The following SLC39A11 variants were observed in gnomAD, a reference collection of about 807,000 sequenced individuals.
SLC39A11 encodes the protein solute carrier family 39 member 11.
A neutral mutation model predicts 36.1 loss-of-function variants in SLC39A11; 33 were observed. The observed-to-expected ratio is 0.91, with a 90% CI of 0.69 to 1.22. The LOEUF is 1.22. Ranked by LOEUF, SLC39A11 falls within the 50% of genes most tolerant of loss-of-function variation. The pLI is 0.00. For missense variants in SLC39A11, 432 were observed against 430.3 expected, an observed-to-expected ratio of 1.00 and a Z score of -0.03; for synonymous variants, 166 against 170.3, an observed-to-expected ratio of 0.97 and a Z score of 0.20.
intron 7 of SLC39A11, among the ~76,000 whole-genome samples, chr17:72,731,100 C>T (rs1457002559): frequency 6.6e-6 from 1 of 152,140 alleles, no homozygotes; most frequent in African/African-American, 2.4e-5. Flanking sequence ...GGCACTTGCA[C>T]GACAGTCAGT....
chr17:72,680,497 T>A (rs556003082), intron 7 of SLC39A11, among the ~76,000 whole-genome samples: 1 of 152,326 alleles, frequency 6.6e-6, no homozygotes, highest in East Asian at 1.9e-4. Context: ...GATGGTTTTA[T>A]AAAGGGCAGT....
Position 72,849,695 on chromosome 17 carries a change from G to A in SLC39A11, c.540C>T (p.Gly180=), listed in dbSNP as rs866679630. 27 of 1,609,682 alleles carry A rather than the reference G, an allele frequency of 1.7e-5. 2 individuals carry two copies. In the Middle Eastern group the frequency reaches 1.8e-3, roughly 108 times the overall value. Residue 180 remains glycine, a synonymous_variant, in exon 6 of 10, where the codon GGC becomes GGT. Transcript: ENST00000255559. ...GTGCGATCCTCCTCCAGCTGCTGCC[G>A]CCGGGCTGTGCCAGATTCCCTCGAG... is the stretch of plus-strand genomic sequence containing the variant. ...VPSRGNLAQP[G]GSSWRRIALL...
intron 6 of SLC39A11, among the ~76,000 whole-genome samples, chr17:72,841,392 G>C (rs900510427): frequency 2.0e-5 from 3 of 152,198 alleles, no homozygotes; most frequent in Admixed American, 1.3e-4. Context: ...CCGGTCATTT[G>C]CAACAACATG....
At chr17:72,651,167 G>A (rs1056351746) in intron 7 of SLC39A11, among the ~76,000 whole-genome samples, 9 of 152,152 alleles carry the variant, frequency 5.9e-5, no homozygotes, top group Non-Finnish European at 1.3e-4. Flanking sequence ...CTCACATGTG[G>A]TTCATAGAAT....
intron 7 of SLC39A11, among the ~76,000 whole-genome samples, chr17:72,696,629 T>G (rs1326233836): frequency 6.6e-6 from 1 of 152,142 alleles, no homozygotes; most frequent in Non-Finnish European, 1.5e-5. Flanking sequence ...CCCCTATCTC[T>G]CTGATTTCCA....
intron 4 of SLC39A11, among the ~76,000 whole-genome samples, chr17:73,013,354 T>C (rs2090629916): frequency 6.6e-6 from 1 of 152,190 alleles, no homozygotes; most frequent in African/African-American, 2.4e-5. Flanking sequence ...TCCCAAAGTG[T>C]GAGGATTACA....
At chr17:72,816,518 C>A (rs2077590184) in intron 6 of SLC39A11, among the ~76,000 whole-genome samples, 1 of 152,114 alleles carries the variant, frequency 6.6e-6, no homozygotes, top group Non-Finnish European at 1.5e-5. Flanking sequence ...AGCACAAAGC[C>A]AACACATTAA....
intron 5 of SLC39A11, among the ~76,000 whole-genome samples, chr17:72,873,869 C>A (rs959260114): frequency 6.6e-6 from 1 of 152,152 alleles, no homozygotes; most frequent in Non-Finnish European, 1.5e-5. Flanking sequence ...ATAACTGAAT[C>A]ATGGGGGCAG....
chr17:72,708,413 A>C (rs148646414), intron 7 of SLC39A11, among the ~76,000 whole-genome samples: 1 of 152,206 alleles, frequency 6.6e-6, no homozygotes, highest in Non-Finnish European at 1.5e-5. Context: ...TGGGTCTTGA[A>C]TCTGCCAGCC....
chr17:72,931,805 T>C (rs1414535920), intron 5 of SLC39A11, among the ~76,000 whole-genome samples: 1 of 152,176 alleles, frequency 6.6e-6, no homozygotes, highest in East Asian at 1.9e-4. Flanking sequence ...CTCAAATGCT[T>C]ACGACTTCAG....
intron 7 of SLC39A11, among the ~76,000 whole-genome samples, chr17:72,698,511 T>C (rs2072430947): frequency 6.7e-6 from 1 of 149,702 alleles, no homozygotes; most frequent in African/African-American, 2.5e-5. Context: ...GCTGTAGCTG[T>C]GTGATGAGCA....
chr17:73,072,436 C>T (rs1486659336), intron 3 of SLC39A11: 2 of 152,208 alleles, frequency 1.3e-5, no homozygotes, highest in African/African-American at 2.4e-5. Context: ...ACAGCATACA[C>T]GTGGGCTCAT....
In SLC39A11 at chr17:72,778,861, G is replaced by A. The variant is rs144991422; in HGVS notation, c.602-42142C>T. Among the ~76,000 whole-genome samples the A allele has an allele frequency of 1.7e-3, 265 of 152,220 alleles. 1 individual carries two copies. The highest frequency in any genetic ancestry group is 2.8e-3 in the Non-Finnish European group (188 of 68,024). On this transcript the variant is annotated intron_variant, in intron 6 of 9. Coordinates refer to ENST00000255559, the MANE Select transcript of SLC39A11 (RefSeq NM_139177.4). ...TAGATAACCAAATTTCTTAGAATTC[G>A]GCAGAGACTCAGAATAAACAGTATT...
intron 5 of SLC39A11, among the ~76,000 whole-genome samples, chr17:72,925,001 CAAAAAAA>C (rs933053304): frequency 7.3e-5 from 5 of 68,954 alleles, no homozygotes; most frequent in African/African-American, 1.7e-4. Context: ...GACTCCATTT[CAAAAAAA>C]AAAAAAAAAA....
At chr17:72,861,853 A>G (rs1247615690) in intron 5 of SLC39A11, among the ~76,000 whole-genome samples, 5 of 148,530 alleles carry the variant, frequency 3.4e-5, no homozygotes, top group Non-Finnish European at 7.4e-5. Flanking sequence ...TTGTATATAT[A>G]TATGACTTTT....
intron 5 of SLC39A11, among the ~76,000 whole-genome samples, chr17:72,925,414 GGAAGAC>G (rs2083987416): frequency 6.6e-6 from 1 of 152,100 alleles, no homozygotes; most frequent in Non-Finnish European, 1.5e-5. Context: ...TGACCAGGAG[GGAAGAC>G]TGTAGCAGAC....
chr17:72,978,392 A>T (rs1209835036), intron 4 of SLC39A11, among the ~76,000 whole-genome samples: 1 of 152,236 alleles, frequency 6.6e-6, no homozygotes. Flanking sequence ...ACCGATGATA[A>T]AGAAGTAAAA....
At chr17:73,021,381 C>T (rs1213425948) in intron 4 of SLC39A11, among the ~76,000 whole-genome samples, 1 of 152,048 alleles carries the variant, frequency 6.6e-6, no homozygotes, top group African/African-American at 2.4e-5. Flanking sequence ...GCTCTGTCAC[C>T]CAGGCTGGAG....
intron 5 of SLC39A11, among the ~76,000 whole-genome samples, chr17:72,900,113 GAAAGAAAGA>G (rs2082272262): frequency 1.0e-5 from 1 of 97,306 alleles, no homozygotes; most frequent in Non-Finnish European, 2.0e-5. Context: ...GAAAGAAAAA[GAAAGAAAGA>G]AAAGAAAGAA....
Sources: allele counts gnomAD v4.1 joint callset (sites outside exome capture counted in the v4.1 genomes callset), GRCh38; gene constraint gnomAD v4.1.1; transcripts MANE v1.5; gene names NCBI Gene and HGNC (gene_info 2026-07-23, HGNC 2026-07-21).